Variants in TRPM6 observed in about 807,000 individuals in gnomAD.
TRPM6 encodes the protein transient receptor potential cation channel subfamily M member 6.
In TRPM6, 111 loss-of-function variants were observed where a neutral mutation model predicts 247.6. The observed-to-expected ratio is 0.45, with a 90% CI of 0.38 to 0.52. TRPM6 has a LOEUF of 0.52. TRPM6 is among the 20% of genes least tolerant of loss of function. The pLI is 0.00. For missense variants in TRPM6, 2,126 were observed against 2,421.5 expected, an observed-to-expected ratio of 0.88 and a Z score of 2.56; for synonymous variants, 892 against 853.8, an observed-to-expected ratio of 1.04 and a Z score of -0.78.
At chr9:74,820,160 TC>T (rs1297326532) in intron 9 of TRPM6, 143 bp downstream of exon 9, 11 of 871,778 alleles carry the variant, frequency 1.3e-5, no homozygotes, top group Non-Finnish European at 1.6e-5. Context: ...ATTTTCTCCC[TC>T]CCCCCTCCAC....
rs1828434330 is a variant in TRPM6 at position 74,803,889 on chromosome 9, G to A, written c.1639-3C>T. 1 of 1,606,868 alleles carries A rather than the reference G, an allele frequency of 6.2e-7. No homozygotes were observed. Among genetic ancestry groups the A allele is most frequent in the Non-Finnish European group, 8.5e-7 (1 of 1,173,718 alleles). On this transcript the variant is annotated splice_polypyrimidine_tract_variant and splice_region_variant and intron_variant, in intron 14 of 38. Coordinates refer to ENST00000360774, the MANE Select transcript of TRPM6 (RefSeq NM_017662.5). ...TTTCCTGAGGAGTGTCTCTGGTGCT[G>A]GGAAAGGTTTTGAACAAAGCTGGTC...
intron 23 of TRPM6, among the ~76,000 whole-genome samples, chr9:74,779,899 C>A (rs988739263): frequency 6.6e-6 from 1 of 152,190 alleles, no homozygotes; most frequent in Admixed American, 6.5e-5. Context: ...GACGGCTGGG[C>A]GCAGTGGCTC....
chr9:74,770,253 T>C (rs1194431193), intron 25 of TRPM6, among the ~76,000 whole-genome samples: 2 of 152,166 alleles, frequency 1.3e-5, no homozygotes, highest in African/African-American at 4.8e-5. Flanking sequence ...ATTTAAGGAT[T>C]CACATCTCTC....
chr9:74,796,450 T>C (rs1828101663), intron 18 of TRPM6, among the ~76,000 whole-genome samples: 2 of 152,190 alleles, frequency 1.3e-5, no homozygotes, highest in African/African-American at 2.4e-5. Flanking sequence ...ATTTTGGCTT[T>C]GAAGTAGAAA....
At chr9:74,756,752 G>C (rs1025922891) in intron 27 of TRPM6, among the ~76,000 whole-genome samples, 1 of 151,764 alleles carries the variant, frequency 6.6e-6, no homozygotes, top group African/African-American at 2.4e-5. Flanking sequence ...AAGGGGCTGA[G>C]GTGGGAGGAT....
chr9:74,841,240 A>C (rs573488911), intron 4 of TRPM6, among the ~76,000 whole-genome samples: 1 of 152,328 alleles, frequency 6.6e-6, no homozygotes, highest in South Asian at 2.1e-4. Flanking sequence ...TATTTTACCT[A>C]ATATTGTATT....
At chr9:74,850,293 AC>A (rs1292822885) in intron 3 of TRPM6, among the ~76,000 whole-genome samples, 1 of 151,940 alleles carries the variant, frequency 6.6e-6, no homozygotes, top group African/African-American at 2.4e-5. Flanking sequence ...AATCGCTTGA[AC>A]CCGGGAAGTG....
chr9:74,810,747 A>G, intron 13 of TRPM6, 68 bp downstream of exon 13: 1 of 1,420,784 alleles, frequency 7.0e-7, no homozygotes, highest in Non-Finnish European at 1.0e-6. Context: ...AGCAAAATTC[A>G]GTGACTCCTC....
At chr9:74,773,021 G>A (rs1299781271) in intron 24 of TRPM6, among the ~76,000 whole-genome samples, 4 of 152,134 alleles carry the variant, frequency 2.6e-5, no homozygotes, top group Non-Finnish European at 4.4e-5. Flanking sequence ...CAGCTACTCA[G>A]GAGGCTGAGG....
intron 3 of TRPM6, among the ~76,000 whole-genome samples, chr9:74,853,092 GC>G (rs1477491625): frequency 1.3e-5 from 2 of 151,270 alleles, no homozygotes; most frequent in African/African-American, 4.9e-5. Context: ...GAGCGCCTCT[GC>G]CCGGCCGCGA....
At chr9:74,752,988 C>G (rs1169626263) in intron 28 of TRPM6, among the ~76,000 whole-genome samples, 1 of 151,796 alleles carries the variant, frequency 6.6e-6, no homozygotes, top group Non-Finnish European at 1.5e-5. Flanking sequence ...TGGTGCATAC[C>G]TGTAATTCCA....
intron 4 of TRPM6, among the ~76,000 whole-genome samples, chr9:74,840,445 T>C (rs745351965): frequency 5.9e-5 from 9 of 152,174 alleles, no homozygotes; most frequent in Non-Finnish European, 1.3e-4. Flanking sequence ...GAATTACAAG[T>C]CACTGTAGGA....
chr9:74,788,793 C>A, intron 19 of TRPM6, 51 bp from the exon 20 acceptor site: 2 of 1,606,510 alleles, frequency 1.2e-6, no homozygotes, highest in South Asian at 1.1e-5. Context: ...AAGCATGGAG[C>A]ATGCCAAGGA....
intron 1 of TRPM6, among the ~76,000 whole-genome samples, chr9:74,871,931 C>T (rs1831043906): frequency 6.6e-6 from 1 of 151,778 alleles, no homozygotes; most frequent in South Asian, 2.1e-4. Flanking sequence ...CGGCTCACTG[C>T]AACCTCTGCC....
intron 36 of TRPM6, among the ~76,000 whole-genome samples, chr9:74,737,832 G>A (rs1825743071): frequency 6.6e-6 from 1 of 152,180 alleles, no homozygotes; most frequent in Non-Finnish European, 1.5e-5. Context: ...AGGAAAGCCT[G>A]CTGGAGATAC....
intron 4 of TRPM6, among the ~76,000 whole-genome samples, chr9:74,841,435 T>C (rs1250722445): frequency 6.6e-6 from 1 of 151,860 alleles, no homozygotes; most frequent in African/African-American, 2.4e-5. Context: ...TACATGCAAA[T>C]AGGAATTAAC....
At chr9:74,873,814 T>A (rs1359229867) in intron 1 of TRPM6, among the ~76,000 whole-genome samples, 1 of 152,096 alleles carries the variant, frequency 6.6e-6, no homozygotes, top group Admixed American at 6.5e-5. Flanking sequence ...TCTTTGAGAC[T>A]TTTATTGTAA....
rs368071569 is a variant in TRPM6, at chr9:74,808,152, C to G, written c.1520G>C (p.Arg507Pro). ...VKQHTLLSGY[R>P]ITLIDIGLVV... Reference sequence around the variant, plus strand: ...TAATCCAATGTCAATCAAGGTTATTCGGTAGCCTGAAAGAAGGGTATGCTG... The same window carrying G: ...TAATCCAATGTCAATCAAGGTTATTGGGTAGCCTGAAAGAAGGGTATGCTG... The change falls in exon 14 of 39, where the codon CGA becomes CCA. Residue 507 changes from arginine to proline, a missense_variant. Around this residue, in one of 3 missense-constraint regions of TRPM6, gnomAD observed 1,082 missense variants for 1,307.9 expected, o/e 0.83. Transcript: ENST00000360774. 1.9e-6 allele frequency: 3 copies of G among 1,613,778 alleles called. No individual in the cohort carries two copies. Among genetic ancestry groups the G allele is most frequent in the Non-Finnish European group, 2.5e-6 (3 of 1,179,904 alleles).
intron 11 of TRPM6, 89 bp downstream of exon 11, chr9:74,816,579 AT>A: frequency 9.4e-7 from 1 of 1,063,782 alleles, no homozygotes; most frequent in Non-Finnish European, 1.4e-6. Flanking sequence ...TACCAAACCA[AT>A]CAATATCTCC....
Sources: allele counts gnomAD v4.1 joint callset (sites outside exome capture counted in the v4.1 genomes callset), GRCh38; gene constraint gnomAD v4.1.1; regional missense constraint gnomAD v4.1.1; transcripts MANE v1.5; gene names NCBI Gene and HGNC (gene_info 2026-07-23, HGNC 2026-07-21).